PCDH15: variants seen among roughly 807,000 people sequenced by gnomAD.
The protein encoded by PCDH15 is protocadherin-15.
A neutral mutation model predicts 178.5 loss-of-function variants in PCDH15; 129 were observed. The ratio of observed to expected loss-of-function variants is 0.72; its 90% CI spans 0.63 to 0.84. The LOEUF (loss-of-function observed/expected upper bound fraction) is 0.84, where lower values mean the gene tolerates loss of function less well. PCDH15 is among the 40% of genes least tolerant of loss of function. The probability of loss-of-function intolerance (pLI) is 0.00; values close to 1 mark genes in which losing one functional copy is unlikely to be tolerated. For missense variants in PCDH15, 2,230 were observed against 2,099.9 expected (o/e 1.06, Z -1.21); for synonymous variants, 800 against 732.0 (o/e 1.09, Z -1.50).
rs2057307762 is a variant in PCDH15 at position 54,261,411 on chromosome 10, GA to G, written c.877-24481del. Among the ~76,000 whole-genome samples the G allele has an allele frequency of 2.0e-5, 3 of 151,526 alleles. No homozygotes were observed. The South Asian group carries it at 6.2e-4, about 31-fold the overall frequency. ...TAATAATAATACTTCAAATAGATAA[GA>G]AAAAGCATATTGCTAATTGAAAAAG... On this transcript the variant is annotated intron_variant, in intron 8 of 37. Coordinates refer to ENST00000644397, the MANE Select transcript of PCDH15 (RefSeq NM_001384140.1).
At chr10:55,496,557 CAGAGAAAG>C (rs1840538588) in intron 2 of PCDH15, among the ~76,000 whole-genome samples, 1 of 151,610 alleles carries the variant, frequency 6.6e-6, no homozygotes. Flanking sequence ...TTTTAATGGC[CAGAGAAAG>C]ACTTTACAAA....
intron 17 of PCDH15, among the ~76,000 whole-genome samples, chr10:54,067,436 C>G (rs1203828938): frequency 1.3e-5 from 2 of 152,130 alleles, no homozygotes; most frequent in Admixed American, 6.6e-5. Context: ...AAATGATTAT[C>G]TTATAAGCAT....
At chr10:54,773,101 G>T (rs1051624015) in intron 1 of PCDH15, among the ~76,000 whole-genome samples, 2 of 151,928 alleles carry the variant, frequency 1.3e-5, no homozygotes, top group African/African-American at 4.8e-5. Context: ...CTGTCCAAGG[G>T]GTGGGGGGCA....
intron 1 of PCDH15, among the ~76,000 whole-genome samples, chr10:55,200,541 G>A (rs1310680560): frequency 2.0e-5 from 3 of 152,076 alleles, no homozygotes; most frequent in African/African-American, 4.8e-5. Flanking sequence ...ATCCTGGAAC[G>A]AGTTAAGACT....
intron 1 of PCDH15, among the ~76,000 whole-genome samples, chr10:55,198,816 T>C (rs546870845): frequency 6.6e-6 from 1 of 152,144 alleles, no homozygotes; most frequent in African/African-American, 2.4e-5. Context: ...TGTGTAGTGC[T>C]TCCCCCTTTG....
chr10:54,822,384 G>T (rs1289980507), intron 3 of PCDH15, among the ~76,000 whole-genome samples: 1 of 152,014 alleles, frequency 6.6e-6, no homozygotes, highest in Non-Finnish European at 1.5e-5. Flanking sequence ...GAAACCATGT[G>T]CTATTTGTCT....
In PCDH15 at chr10:54,454,524, T is replaced by C. The variant is rs183586632; in HGVS notation, c.157+73288A>G. Among the ~76,000 whole-genome samples, 7 of 151,216 alleles carry C rather than the reference T, an allele frequency of 4.6e-5. No homozygotes were observed. In the East Asian group the frequency reaches 1.4e-3, roughly 29 times the overall value. ...TAATAAGCATCTTATTCAACTGATG[T>C]TTAATAAATATTTCTGTGGATTATT... On this transcript the variant is annotated intron_variant, in intron 3 of 37. Coordinates refer to ENST00000644397, the MANE Select transcript of PCDH15 (RefSeq NM_001384140.1).
At chr10:54,113,875 T>G (rs543424059) in intron 15 of PCDH15, among the ~76,000 whole-genome samples, 5 of 152,142 alleles carry the variant, frequency 3.3e-5, no homozygotes, top group Non-Finnish European at 7.4e-5. Context: ...TATGGAGGCC[T>G]CACAATCATG....
At chr10:54,070,888 A>G (rs11004039) in intron 17 of PCDH15, among the ~76,000 whole-genome samples, 46,472 of 151,936 alleles carry the variant, frequency 0.31, 7,231 homozygotes, top group Admixed American at 0.33. Flanking sequence ...CGCGATATCC[A>G]GCTCATCTTT....
At chr10:54,531,779 GT>G (rs2083953144) in intron 2 of PCDH15, among the ~76,000 whole-genome samples, 1 of 152,008 alleles carries the variant, frequency 6.6e-6, no homozygotes, top group Non-Finnish European at 1.5e-5. Context: ...CTGAGCCTGG[GT>G]CCCATTTGCC....
intron 2 of PCDH15, among the ~76,000 whole-genome samples, chr10:54,953,504 G>T (rs538003545): frequency 6.7e-4 from 102 of 151,470 alleles, no homozygotes; most frequent in African/African-American, 2.2e-3. Flanking sequence ...GGCTTCTTAA[G>T]AAATCATTAT....
At chr10:54,230,530 T>C (rs1028977007) in intron 9 of PCDH15, among the ~76,000 whole-genome samples, 1 of 152,046 alleles carries the variant, frequency 6.6e-6, no homozygotes, top group Admixed American at 6.5e-5. Context: ...ATGTGATATA[T>C]GCATTGAGGA....
chr10:54,114,135 TTC>T (rs1189283610), intron 15 of PCDH15, among the ~76,000 whole-genome samples: 1 of 152,162 alleles, frequency 6.6e-6, no homozygotes, highest in Non-Finnish European at 1.5e-5. Context: ...CATATCAATA[TTC>T]TGTCTGCTTT....
chr10:54,601,999 AG>A (rs1462055040), intron 2 of PCDH15, among the ~76,000 whole-genome samples: 1 of 151,910 alleles, frequency 6.6e-6, no homozygotes, highest in African/African-American at 2.4e-5. Flanking sequence ...GGAGGGTAAG[AG>A]GGAGAGGATC....
chr10:55,551,369 T>G (rs1179330284), intron 2 of PCDH15, among the ~76,000 whole-genome samples: 6 of 151,936 alleles, frequency 3.9e-5, no homozygotes, highest in Non-Finnish European at 8.8e-5. Flanking sequence ...TAGTTTACAA[T>G]TACATGCATT....
chr10:55,300,072 CT>C (rs370706332), intron 1 of PCDH15, among the ~76,000 whole-genome samples: 1 of 152,074 alleles, frequency 6.6e-6, no homozygotes, highest in African/African-American at 2.4e-5. Flanking sequence ...TCTCACACTG[CT>C]TTTTAAAATA....
At chr10:55,526,845 C>T (rs1042320877) in intron 2 of PCDH15, among the ~76,000 whole-genome samples, 1 of 151,986 alleles carries the variant, frequency 6.6e-6, no homozygotes, top group South Asian at 2.1e-4. Context: ...GTCACAAAAG[C>T]CATATCATTC....
intron 2 of PCDH15, among the ~76,000 whole-genome samples, chr10:54,619,556 C>G (rs1487832301): frequency 6.6e-6 from 1 of 151,884 alleles, no homozygotes; most frequent in Non-Finnish European, 1.5e-5. Flanking sequence ...TCAGTAAATA[C>G]TGGGAGTGAG....
chr10:54,477,542 T>C (rs1388145024), intron 3 of PCDH15, among the ~76,000 whole-genome samples: 1 of 152,232 alleles, frequency 6.6e-6, no homozygotes, highest in Non-Finnish European at 1.5e-5. Flanking sequence ...GCCTGTTGTG[T>C]ACTACATTCT....
Sources: gnomAD v4.1 joint callset for allele counts (sites outside exome capture counted in the v4.1 genomes callset) on GRCh38, gnomAD v4.1.1 for gene constraint, MANE v1.5 for transcripts, NCBI Gene and HGNC (gene_info 2026-07-23, HGNC 2026-07-21) for gene names.